Variants in ADAMTS7 observed in about 807,000 individuals in gnomAD.
ADAMTS7 encodes A disintegrin and metalloproteinase with thrombospondin motifs 7.
ADAMTS7 carries 89 observed loss-of-function variants against 172.6 expected under a neutral mutation model. That is an observed-to-expected ratio of 0.52 (90% CI 0.43 to 0.61). ADAMTS7 has a LOEUF of 0.61. Among genes scored for constraint, ADAMTS7 ranks in the 20% least tolerant of loss-of-function variants. The probability of loss-of-function intolerance (pLI) is 0.00; values close to 1 mark genes in which losing one functional copy is unlikely to be tolerated. For missense variants in ADAMTS7, 1,973 were observed against 2,355.6 expected (o/e 0.84, Z 3.36); for synonymous variants, 885 against 978.4 (o/e 0.90, Z 1.78).
chr15:78,760,067 G>A, intron 23 of ADAMTS7, among the ~76,000 whole-genome samples: 1 of 150,820 alleles, frequency 6.6e-6, no homozygotes, highest in Non-Finnish European at 1.5e-5. Context: ...CACAGGGGCT[G>A]TACTCAGCCT....
chr15:78,771,564 T>C lies in ADAMTS7; in HGVS notation c.2376+21A>G. On this transcript the variant is annotated intron_variant, in intron 15 of 23. Coordinates refer to ENST00000388820, the MANE Select transcript of ADAMTS7 (RefSeq NM_014272.5). The surrounding 1 kb of genome is among the most constrained non-coding windows in gnomAD (Gnocchi z 4.9). ...GGACTCCGCCTCTGCTCCCCCCGCCTGGGCCACGGGAGGCAGGCACCTGGA... is the reference window on the plus strand; with the variant it reads ...GGACTCCGCCTCTGCTCCCCCCGCCCGGGCCACGGGAGGCAGGCACCTGGA... 1 of 1,585,280 alleles carries C rather than the reference T, an allele frequency of 6.3e-7. No individual in the cohort carries two copies.
At chr15:78,764,518 C>A in intron 20 of ADAMTS7, 37 bp downstream of exon 20, 3 of 1,524,410 alleles carry the variant, frequency 2.0e-6, no homozygotes, top group Non-Finnish European at 1.8e-6. Flanking sequence ...CCACCCCATG[C>A]CCTGGGAATG....
intron 1 of ADAMTS7, among the ~76,000 whole-genome samples, chr15:78,801,242 A>T (rs2055721873): frequency 6.6e-6 from 1 of 152,180 alleles, no homozygotes; most frequent in Non-Finnish European, 1.5e-5. Context: ...TCAGAGCAAA[A>T]GACAAAGTTC....
At chr15:78,775,791 C>T (rs1156519032) in intron 11 of ADAMTS7, among the ~76,000 whole-genome samples, 1 of 152,202 alleles carries the variant, frequency 6.6e-6, no homozygotes, top group Non-Finnish European at 1.5e-5. Context: ...ACTGGATGGG[C>T]ACTGCTATTA....
At chr15:78,809,451 T>A (rs1384456663) in intron 1 of ADAMTS7, among the ~76,000 whole-genome samples, 4 of 152,212 alleles carry the variant, frequency 2.6e-5, no homozygotes, top group Non-Finnish European at 5.9e-5. Flanking sequence ...GTGCCCAGAT[T>A]AGGTTGGAGA....
At chr15:78,782,080 G>C (rs1165078891) in intron 8 of ADAMTS7, among the ~76,000 whole-genome samples, 1 of 151,620 alleles carries the variant, frequency 6.6e-6, no homozygotes, top group Non-Finnish European at 1.5e-5. Context: ...CGCCCAAGCT[G>C]AACTGCAGTG....
chr15:78,765,529 G>T, intron 19 of ADAMTS7, 116 bp downstream of exon 19: 1 of 1,511,424 alleles, frequency 6.6e-7, no homozygotes, highest in Non-Finnish European at 9.0e-7. Context: ...GGGAACCCCT[G>T]CCCCAAGAGA....
At chr15:78,793,971 T>C (rs769869518) in intron 4 of ADAMTS7, among the ~76,000 whole-genome samples, 10 of 151,990 alleles carry the variant, frequency 6.6e-5, no homozygotes, top group Non-Finnish European at 1.2e-4. Flanking sequence ...AACTTGAAAA[T>C]GGGGGTGAGG....
At chr15:78,791,036 G>T in intron 5 of ADAMTS7, 104 bp downstream of exon 5, 2 of 1,379,888 alleles carry the variant, frequency 1.4e-6, no homozygotes, top group Non-Finnish European at 2.0e-6. Context: ...GGCCAAGGCG[G>T]CCTTCACTGT....
Position 78,759,259 on chromosome 15 carries a change from T to C in ADAMTS7, c.*162A>G. ...AAATCATAATAAATGTTACACAAACTGTTAGAATAAAAAAATACCTTTTTT... is the reference window on the plus strand; with the variant it reads ...AAATCATAATAAATGTTACACAAACCGTTAGAATAAAAAAATACCTTTTTT... On this transcript the variant is annotated 3_prime_UTR_variant, in exon 24 of 24. Coordinates refer to ENST00000388820, the MANE Select transcript of ADAMTS7 (RefSeq NM_014272.5). 1 of 580,336 alleles carries C rather than the reference T, an allele frequency of 1.7e-6. No homozygotes were observed. The highest frequency in any genetic ancestry group is 2.7e-5 in the South Asian group (1 of 36,754). The allele number at this position is 580,336 out of a possible 1,614,324, so 35.9% of individuals were successfully genotyped here.
intron 13 of ADAMTS7, among the ~76,000 whole-genome samples, chr15:78,773,901 G>A (rs1364968514): frequency 6.6e-6 from 1 of 152,206 alleles, no homozygotes; most frequent in South Asian, 2.1e-4. Context: ...GGAGACGCAG[G>A]GGGGCGAGGC....
At chr15:78,810,936 C>T (rs2055858037) in intron 1 of ADAMTS7, 185 bp downstream of exon 1, 7 of 592,580 alleles carry the variant, frequency 1.2e-5, no homozygotes, top group Non-Finnish European at 1.7e-5. Context: ...AGAAGCGCGG[C>T]TTCGCTCCCG....
At chr15:78,810,904 CA>C (rs145858796) in intron 1 of ADAMTS7, 12,296 of 422,676 alleles carry the variant, frequency 0.029, 235 homozygotes, top group East Asian at 0.054. Context: ...GTAACTGAAT[CA>C]GGGGCCGAGG....
In ADAMTS7 at chr15:78,794,982, G is replaced by A. The variant is rs149181148; in HGVS notation, c.819+1608C>T. Among the ~76,000 whole-genome samples the A allele has an allele frequency of 9.2e-5, 14 of 152,338 alleles. No individual in the cohort carries two copies. The East Asian group carries it at 1.7e-3, about 19-fold the overall frequency. ...TCTGCCCACCTTGGCCTCTCAAAGC[G>A]CTGGGATTATAACCATGAACCACAA... On this transcript the variant is annotated intron_variant, in intron 4 of 23. Coordinates refer to ENST00000388820, the MANE Select transcript of ADAMTS7 (RefSeq NM_014272.5).
At chr15:78,806,112 AC>A in intron 1 of ADAMTS7, among the ~76,000 whole-genome samples, 1 of 21,706 alleles carries the variant, frequency 4.6e-5, no homozygotes, top group African/African-American at 1.2e-4. Context: ...ACACACACAC[AC>A]ACACACACAC....
intron 1 of ADAMTS7, among the ~76,000 whole-genome samples, chr15:78,808,915 C>T (rs1470149961): frequency 1.3e-5 from 2 of 152,184 alleles, no homozygotes; most frequent in African/African-American, 4.8e-5. Context: ...CCCTGGGTGA[C>T]AGAACTGTCA....
chr15:78,766,279 C>T lies in ADAMTS7; in HGVS notation c.3632G>A (p.Arg1211Gln), dbSNP rs764208124. Residue 1211 changes from arginine to glutamine, a missense_variant, in exon 19 of 24, where the codon CGG becomes CAG. Arg to Gln is a conservative substitution (Grantham distance 43, BLOSUM62 1). Coordinates refer to ENST00000388820, the MANE Select transcript of ADAMTS7 (RefSeq NM_014272.5). ...CTTGAAAACCTCATTGGTCCTGTCC[C>T]GCCATGGAGGGGGCAGCTGGCTCTG... The part of the protein sequence containing the change: ...DSQSQLPPPW[R>Q]DRTNEVFKDD... 103 of 1,611,814 alleles carry T rather than the reference C, an allele frequency of 6.4e-5. No homozygotes were observed. Among genetic ancestry groups the T allele is most frequent in the South Asian group, 1.6e-4 (15 of 91,026 alleles).
At chr15:78,790,625 G>A in intron 6 of ADAMTS7, 45 bp downstream of exon 6, 1 of 1,606,656 alleles carries the variant, frequency 6.2e-7, no homozygotes, top group Non-Finnish European at 8.5e-7. Flanking sequence ...GGGCCGGGAA[G>A]CACCTCCTGA....
intron 1 of ADAMTS7, among the ~76,000 whole-genome samples, chr15:78,807,076 T>C (rs1220722601): frequency 6.6e-6 from 1 of 152,220 alleles, no homozygotes; most frequent in Admixed American, 6.5e-5. Context: ...CTCCAACACT[T>C]GTTTTAAGTG....
Sources: allele counts gnomAD v4.1 joint callset (sites outside exome capture counted in the v4.1 genomes callset), GRCh38; gene constraint gnomAD v4.1.1; non-coding constraint Gnocchi (gnomAD v3.1); transcripts MANE v1.5; gene names NCBI Gene and HGNC (gene_info 2026-07-23, HGNC 2026-07-21).